The following NRXN1 variants were observed in gnomAD, a reference collection of about 807,000 sequenced individuals.
The protein encoded by NRXN1 is neurexin 1, also known as neurexin-1.
NRXN1 carries 39 observed loss-of-function variants against 150.9 expected under a neutral mutation model. The observed-to-expected ratio is 0.26, with a 90% CI of 0.20 to 0.34. NRXN1 has a LOEUF of 0.34. Ranked by LOEUF, NRXN1 falls within the 10% of genes least tolerant of loss-of-function variation. The pLI, the probability that NRXN1 is intolerant of heterozygous loss-of-function variation, is 1.00. For missense variants in NRXN1, 1,815 were observed against 1,949.9 expected (o/e 0.93, Z 1.30); for synonymous variants, 924 against 757.0 (o/e 1.22, Z -3.62).
At chr2:50,886,323 T>C (rs1160917834) in intron 5 of NRXN1, among the ~76,000 whole-genome samples, 2 of 151,482 alleles carry the variant, frequency 1.3e-5, no homozygotes, top group African/African-American at 4.8e-5. Context: ...CAAATTTTTA[T>C]CTAGATTGTT....
chr2:50,734,267 C>A (rs980306846), intron 5 of NRXN1, among the ~76,000 whole-genome samples: 2 of 152,094 alleles, frequency 1.3e-5, no homozygotes, highest in Non-Finnish European at 2.9e-5. Flanking sequence ...AAGCAAATTT[C>A]TTAGTTCAGA....
intron 21 of NRXN1, among the ~76,000 whole-genome samples, chr2:49,990,784 T>G (rs759399886): frequency 6.6e-6 from 1 of 152,194 alleles, no homozygotes; most frequent in South Asian, 2.1e-4. Flanking sequence ...GCACTAGATA[T>G]AGAATGAAAG....
intron 17 of NRXN1, among the ~76,000 whole-genome samples, chr2:50,403,441 T>A (rs2082532132): frequency 6.6e-6 from 1 of 152,114 alleles, no homozygotes; most frequent in African/African-American, 2.4e-5. Flanking sequence ...TTACATATGT[T>A]CAGGTTTAAG....
intron 5 of NRXN1, among the ~76,000 whole-genome samples, chr2:50,749,476 T>C (rs1700353144): frequency 1.3e-5 from 2 of 152,010 alleles, no homozygotes; most frequent in South Asian, 4.1e-4. Flanking sequence ...CAGGAATTAG[T>C]GCATAACCCT....
At chr2:50,292,921 G>C (rs1024223074) in intron 17 of NRXN1, among the ~76,000 whole-genome samples, 9 of 152,120 alleles carry the variant, frequency 5.9e-5, no homozygotes, top group Non-Finnish European at 1.3e-4. Flanking sequence ...GAAGTACATT[G>C]CCTGGAATAG....
intron 18 of NRXN1, among the ~76,000 whole-genome samples, chr2:50,178,276 A>T (rs2060473588): frequency 6.6e-6 from 1 of 151,982 alleles, no homozygotes; most frequent in South Asian, 2.1e-4. Flanking sequence ...GCACAAGAGA[A>T]TCTTTTTAAC....
In NRXN1 at chr2:51,025,070, G is replaced by C. The variant is rs1286233359; in HGVS notation, c.772+2432C>G. Among the ~76,000 whole-genome samples the C allele has an allele frequency of 3.3e-5, 5 of 152,090 alleles. No individual in the cohort carries two copies. In the East Asian group the frequency reaches 9.6e-4, roughly 29 times the overall value. ...AAATAGGGAAAATAAGCAAAATGGA[G>C]CCAATCCTTCTAGGAAGACTGACTC... is the stretch of plus-strand genomic sequence containing the variant. On this transcript the variant is annotated intron_variant, in intron 2 of 22. Transcript: ENST00000401669.
intron 21 of NRXN1, among the ~76,000 whole-genome samples, chr2:49,997,282 C>G (rs1384625480): frequency 6.6e-6 from 1 of 151,914 alleles, no homozygotes; most frequent in Non-Finnish European, 1.5e-5. Context: ...TGACTATTGA[C>G]CATTGGGAAA....
At chr2:50,483,985 G>C (rs997957131) in intron 15 of NRXN1, among the ~76,000 whole-genome samples, 7 of 152,038 alleles carry the variant, frequency 4.6e-5, no homozygotes, top group African/African-American at 1.4e-4. Flanking sequence ...ATTTTGGGTG[G>C]GGAAGACCCA....
intron 17 of NRXN1, among the ~76,000 whole-genome samples, chr2:50,358,301 C>T (rs546066657): frequency 6.6e-6 from 1 of 152,334 alleles, no homozygotes; most frequent in South Asian, 2.1e-4. Flanking sequence ...ATCCCACCCC[C>T]CTGGAGTCCA....
chr2:50,766,213 G>A (rs922438488), intron 5 of NRXN1, among the ~76,000 whole-genome samples: 2 of 152,000 alleles, frequency 1.3e-5, no homozygotes, highest in Non-Finnish European at 2.9e-5. Flanking sequence ...CAGAGGAACA[G>A]GAATGGATTT....
At chr2:50,844,484 T>C (rs72838776) in intron 5 of NRXN1, among the ~76,000 whole-genome samples, 11,243 of 152,214 alleles carry the variant, frequency 0.074, 528 homozygotes, top group Middle Eastern at 0.13. Flanking sequence ...AAATGGACCA[T>C]TGAAATTATA....
At chr2:50,021,839 T>A (rs1687617383) in intron 21 of NRXN1, among the ~76,000 whole-genome samples, 1 of 152,264 alleles carries the variant, frequency 6.6e-6, no homozygotes, top group Non-Finnish European at 1.5e-5. Flanking sequence ...ACAACATATA[T>A]GTTAATGGTA....
chr2:50,575,566 A>C (rs866185545), intron 8 of NRXN1, among the ~76,000 whole-genome samples: 2 of 152,202 alleles, frequency 1.3e-5, no homozygotes, highest in Admixed American at 6.5e-5. Flanking sequence ...TTATTGCCTA[A>C]TTTTATTAGA....
At chr2:50,597,594 C>T (rs1380194512) in intron 8 of NRXN1, among the ~76,000 whole-genome samples, 3 of 152,152 alleles carry the variant, frequency 2.0e-5, no homozygotes, top group Non-Finnish European at 4.4e-5. Flanking sequence ...CATGGCATAT[C>T]CAAATGTTCA....
chr2:50,310,849 T>C (rs949918251), intron 17 of NRXN1, among the ~76,000 whole-genome samples: 3 of 152,164 alleles, frequency 2.0e-5, no homozygotes, highest in East Asian at 1.9e-4. Context: ...CATCACATCT[T>C]ACCTTATAAG....
chr2:50,327,209 T>TA (rs1192322464), intron 17 of NRXN1, among the ~76,000 whole-genome samples: 21 of 152,136 alleles, frequency 1.4e-4, no homozygotes, highest in Non-Finnish European at 4.4e-5. Flanking sequence ...GACTCAGAAA[T>TA]AAAAAATAAC....
chr2:50,688,250 C>T (rs1408181922), intron 5 of NRXN1, among the ~76,000 whole-genome samples: 1 of 152,094 alleles, frequency 6.6e-6, no homozygotes, highest in African/African-American at 2.4e-5. Flanking sequence ...CTATGGGGTC[C>T]CCAAGTGCTT....
In NRXN1 at chr2:50,346,853, G is replaced by C. The variant is rs748447497; in HGVS notation, c.3365-109883C>G. 34 of 1,547,962 alleles carry C rather than the reference G, an allele frequency of 2.2e-5. No homozygotes were observed. The South Asian group carries it at 3.8e-4, about 17-fold the overall frequency. On this transcript the variant is annotated intron_variant, in intron 17 of 22. Transcript: ENST00000401669. This position sits in a 1 kb window ranked among gnomAD's most constrained non-coding sequence, Gnocchi z 5.0. ...AGGGTGAGCGGGACTATCCAAAGCA[G>C]GGCCAGGCGCCCCCCTGCGCCGCCG...
Sources: gnomAD v4.1 joint callset for allele counts (sites outside exome capture counted in the v4.1 genomes callset) on GRCh38, gnomAD v4.1.1 for gene constraint, Gnocchi (gnomAD v3.1) non-coding constraint, MANE v1.5 for transcripts, NCBI Gene and HGNC (gene_info 2026-07-23, HGNC 2026-07-21) for gene names.